LRRC37A2: variants seen among roughly 807,000 people sequenced by gnomAD.
The protein encoded by LRRC37A2 is leucine-rich repeat-containing protein 37A2.
LRRC37A2 carries 9 observed loss-of-function variants against 68.8 expected under a neutral mutation model. The observed-to-expected ratio is 0.13, with a 90% CI of 0.08 to 0.23. The LOEUF is 0.23. LRRC37A2 is among the 10% of genes least tolerant of loss of function. The probability of loss-of-function intolerance (pLI) is 1.00; values close to 1 mark genes in which losing one functional copy is unlikely to be tolerated. For synonymous variants in LRRC37A2, 63 were observed against 367.6 expected (o/e 0.17, Z 9.48); for missense variants, 168 against 950.4 (o/e 0.18, Z 10.82).
At chr17:47,022,168 C>CTTTTTTTTTTTTTTT in the LRRC37A2 span, among the ~76,000 whole-genome samples, 7 of 19,722 alleles carry the variant, frequency 3.5e-4, no homozygotes, top group Admixed American at 1.0e-3. Context: ...TTTTTGTTCT[C>CTTTTTTTTTTTTTTT]TTTTTTTTTT....
At chr17:46,952,345 C>T in the LRRC37A2 span, among the ~76,000 whole-genome samples, 322 of 152,332 alleles carry the variant, frequency 2.1e-3, no homozygotes, top group Non-Finnish European at 3.7e-3. Context: ...CACATGACTG[C>T]GCGGTGGGCC....
At chr17:46,789,588 G>A in the LRRC37A2 span, among the ~76,000 whole-genome samples, 1 of 80,454 alleles carries the variant, frequency 1.2e-5, no homozygotes, top group Admixed American at 1.1e-4. Flanking sequence ...GCTTTGAGAG[G>A]TAACCTCTCA....
the LRRC37A2 span, among the ~76,000 whole-genome samples, chr17:46,821,916 A>G: frequency 6.6e-6 from 1 of 152,204 alleles, no homozygotes; most frequent in Admixed American, 6.5e-5. Context: ...GCCCGCCCTC[A>G]TGGGGCTACC....
chr17:46,529,132 C>T (rs1348394979), intron 6 of LRRC37A2, among the ~76,000 whole-genome samples: 1 of 135,504 alleles, frequency 7.4e-6, no homozygotes, highest in East Asian at 2.0e-4. Flanking sequence ...TCATCTCTCT[C>T]TCCTCAGTTA....
At chr17:46,541,288 G>C (rs2145560967) in intron 8 of LRRC37A2, among the ~76,000 whole-genome samples, 1 of 149,982 alleles carries the variant, frequency 6.7e-6, no homozygotes, top group South Asian at 2.1e-4. Flanking sequence ...ATCTCACTCT[G>C]TCGCCCAGGC....
the LRRC37A2 span, among the ~76,000 whole-genome samples, chr17:46,495,673 C>G: frequency 1.3e-5 from 2 of 150,684 alleles, no homozygotes; most frequent in South Asian, 2.1e-4. Flanking sequence ...GCATGAGCCA[C>G]TGCGCCCAGC....
At chr17:46,804,399 G>A in the LRRC37A2 span, among the ~76,000 whole-genome samples, 1 of 152,010 alleles carries the variant, frequency 6.6e-6, no homozygotes, top group Non-Finnish European at 1.5e-5. Context: ...TTTTTATTTT[G>A]TTATTTAATC....
chr17:47,035,079 C>T, the LRRC37A2 span: 3 of 152,194 alleles, frequency 2.0e-5, no homozygotes, highest in East Asian at 5.8e-4. Context: ...ATCTTCACTC[C>T]TCTTCTTTCC....
chr17:47,033,516 T>C, the LRRC37A2 span: 75 of 617,526 alleles, frequency 1.2e-4, no homozygotes, highest in Non-Finnish European at 2.0e-4. Flanking sequence ...CCTGACAGCC[T>C]TGGGATTCTA....
At chr17:46,897,165 G>T in the LRRC37A2 span, among the ~76,000 whole-genome samples, 2 of 152,174 alleles carry the variant, frequency 1.3e-5, no homozygotes, top group African/African-American at 4.8e-5. Flanking sequence ...CTCTGGCTTG[G>T]CTCCTCTTCC....
chr17:46,979,876 T>TC, the LRRC37A2 span, among the ~76,000 whole-genome samples: 67,835 of 151,778 alleles, frequency 0.45, 15,340 homozygotes, highest in Non-Finnish European at 0.48. Context: ...AACTTTATAA[T>TC]CTGCCTCCTA....
intron 6 of LRRC37A2, among the ~76,000 whole-genome samples, chr17:46,534,951 G>A (rs2054416765): frequency 6.7e-6 from 1 of 149,042 alleles, no homozygotes; most frequent in African/African-American, 2.6e-5. Flanking sequence ...AGGCGTAGGG[G>A]CTCCTCACTT....
At chr17:46,759,180 G>A in the LRRC37A2 span, among the ~76,000 whole-genome samples, 1 of 152,170 alleles carries the variant, frequency 6.6e-6, no homozygotes, top group African/African-American at 2.4e-5. Context: ...CTCCAGCCTG[G>A]GCAACGAGCA....
chr17:46,982,839 C>T, the LRRC37A2 span, among the ~76,000 whole-genome samples: 1 of 152,182 alleles, frequency 6.6e-6, no homozygotes, highest in Non-Finnish European at 1.5e-5. Context: ...GGGAGGCAGC[C>T]ACTGTCACTT....
chr17:46,943,768 A>G, the LRRC37A2 span, among the ~76,000 whole-genome samples: 1 of 152,262 alleles, frequency 6.6e-6, no homozygotes, highest in African/African-American at 2.4e-5. Context: ...GGCCTCAACA[A>G]CAGCAATGAC....
rs541404237 is a variant in LRRC37A2 at position 46,543,750 on chromosome 17, A to G, written c.3054-2505A>G. 7.2e-4 allele frequency among the ~76,000 whole-genome samples: 109 copies of G among 151,102 alleles called. 7 individuals are homozygous for G. Among genetic ancestry groups the G allele is most frequent in the African/African-American group, 2.1e-3 (86 of 40,392 alleles). On this transcript the variant is annotated intron_variant, in intron 8 of 14. Coordinates refer to ENST00000576629, the Ensembl canonical transcript of LRRC37A2. ...AAGTTATACAGGTGTTCATTATACC[A>G]TTTGAAAATGTTTCCCAGCCATCCT...
the LRRC37A2 span, among the ~76,000 whole-genome samples, chr17:46,839,040 G>A: frequency 6.6e-6 from 1 of 152,112 alleles, no homozygotes; most frequent in South Asian, 2.1e-4. Context: ...ACCATGCCCA[G>A]CTAATTTTTG....
At chr17:46,710,790 T>C in the LRRC37A2 span, among the ~76,000 whole-genome samples, 1 of 152,170 alleles carries the variant, frequency 6.6e-6, no homozygotes, top group Admixed American at 6.5e-5. Context: ...TTTTTTCCTA[T>C]TGGGAAAAAA....
chr17:47,042,799 GGGAA>G, the LRRC37A2 span, among the ~76,000 whole-genome samples: 1 of 41,286 alleles, frequency 2.4e-5, no homozygotes, highest in Non-Finnish European at 5.5e-5. Context: ...GGAAGGGGGA[GGGAA>G]GGAAGGAAGG....
Sources: allele counts gnomAD v4.1 joint callset (sites outside exome capture counted in the v4.1 genomes callset), GRCh38; gene constraint gnomAD v4.1.1; transcripts MANE v1.5; gene names NCBI Gene and HGNC (gene_info 2026-07-23, HGNC 2026-07-21).